KAZN: variants seen among roughly 807,000 people sequenced by gnomAD.
The protein encoded by KAZN is kazrin, periplakin interacting protein.
Under a neutral mutation model 87.4 loss-of-function variants are expected in KAZN, and 40 were observed. The ratio of observed to expected loss-of-function variants is 0.46; its 90% CI spans 0.36 to 0.60. KAZN has a LOEUF of 0.60. Ranked by LOEUF, KAZN falls within the 20% of genes least tolerant of loss-of-function variation. KAZN has a pLI of 0.00. For missense variants in KAZN, 898 were observed against 1,073.9 expected, an observed-to-expected ratio of 0.84 and a Z score of 2.29; for synonymous variants, 466 against 458.3, an observed-to-expected ratio of 1.02 and a Z score of -0.22.
intron 2 of KAZN, among the ~76,000 whole-genome samples, chr1:14,315,656 G>A (rs1655604161): frequency 6.6e-6 from 1 of 151,984 alleles, no homozygotes; most frequent in African/African-American, 2.4e-5. Context: ...GATGTAGTAT[G>A]TCCTCTTTTG....
intron 2 of KAZN, among the ~76,000 whole-genome samples, chr1:14,317,177 C>T (rs996148412): frequency 1.3e-5 from 2 of 151,878 alleles, no homozygotes; most frequent in Non-Finnish European, 2.9e-5. Context: ...GCTTTCAGTT[C>T]TGTCATTTTT....
At chr1:14,896,007 G>A (rs1180273115) in intron 1 of KAZN, among the ~76,000 whole-genome samples, 1 of 150,496 alleles carries the variant, frequency 6.6e-6, no homozygotes, top group African/African-American at 2.5e-5. Flanking sequence ...GATATTCCAG[G>A]ACAAAGGTCA....
intron 1 of KAZN, among the ~76,000 whole-genome samples, chr1:14,859,477 A>G (rs1650583380): frequency 6.6e-6 from 1 of 152,134 alleles, no homozygotes; most frequent in South Asian, 2.1e-4. Context: ...GATTGTGTAC[A>G]TTTTTGAAAA....
chr1:13,970,164 G>T (rs1009544059), intron 1 of KAZN, among the ~76,000 whole-genome samples: 3 of 152,170 alleles, frequency 2.0e-5, no homozygotes, highest in African/African-American at 7.2e-5. Context: ...TATATTCTTG[G>T]TTTTTAAGCA....
intron 2 of KAZN, among the ~76,000 whole-genome samples, chr1:14,328,752 A>G (rs1401267002): frequency 1.1e-4 from 11 of 98,012 alleles, no homozygotes; most frequent in Non-Finnish European, 1.8e-4. Flanking sequence ...CTAACTGAAA[A>G]AAAAAAAAAA....
chr1:14,218,321 G>A (rs529963631), intron 2 of KAZN, among the ~76,000 whole-genome samples: 28 of 152,222 alleles, frequency 1.8e-4, no homozygotes, highest in East Asian at 5.8e-4. Flanking sequence ...GTTCATACTC[G>A]TGTACTGAAA....
chr1:15,071,182 C>G (rs1163761347), intron 8 of KAZN, among the ~76,000 whole-genome samples: 1 of 151,990 alleles, frequency 6.6e-6, no homozygotes, highest in Admixed American at 6.6e-5. Context: ...CTAAAATGTC[C>G]CCCTGTGGGC....
chr1:14,172,928 G>T (rs781436228), intron 1 of KAZN, among the ~76,000 whole-genome samples: 2 of 152,172 alleles, frequency 1.3e-5, no homozygotes, highest in East Asian at 3.8e-4. Context: ...CAAGTATGGC[G>T]GTCTCAGGTG....
At chr1:14,750,754 G>C (rs1303868785) in intron 1 of KAZN, among the ~76,000 whole-genome samples, 1 of 152,152 alleles carries the variant, frequency 6.6e-6, no homozygotes, top group African/African-American at 2.4e-5. Flanking sequence ...GCTCACATTT[G>C]AGCCCTGTGC....
chr1:13,964,637 TC>T (rs1465283965), intron 1 of KAZN, among the ~76,000 whole-genome samples: 1 of 152,202 alleles, frequency 6.6e-6, no homozygotes, highest in Admixed American at 6.5e-5. Flanking sequence ...GAAGCAGGGT[TC>T]TGAGAGAGGC....
intron 1 of KAZN, among the ~76,000 whole-genome samples, chr1:13,917,310 A>G (rs1015641886): frequency 2.6e-5 from 4 of 152,208 alleles, no homozygotes; most frequent in Non-Finnish European, 4.4e-5. Flanking sequence ...TAGATTTTCA[A>G]TGGAGATGAA....
chr1:14,118,633 C>G (rs548937437), intron 1 of KAZN, among the ~76,000 whole-genome samples: 35 of 152,332 alleles, frequency 2.3e-4, no homozygotes, highest in Admixed American at 1.6e-3. Context: ...TTCTTTGAAA[C>G]AGAACATCAC....
chr1:14,479,913 T>G (rs980718344), intron 2 of KAZN, among the ~76,000 whole-genome samples: 1 of 152,188 alleles, frequency 6.6e-6, no homozygotes, highest in South Asian at 2.1e-4. Flanking sequence ...TCAAGATTGT[T>G]GAAGGACACA....
intron 1 of KAZN, among the ~76,000 whole-genome samples, chr1:14,660,618 A>G (rs917993313): frequency 7.8e-6 from 1 of 128,422 alleles, no homozygotes; most frequent in East Asian, 2.4e-4. Context: ...ATTCAAACCC[A>G]GGTCTGCCGA....
At chr1:14,221,349 A>G (rs1647093021) in intron 2 of KAZN, among the ~76,000 whole-genome samples, 1 of 152,148 alleles carries the variant, frequency 6.6e-6, no homozygotes, top group South Asian at 2.1e-4. Context: ...CTGCCCCTGG[A>G]GTCTTCTGTT....
chr1:15,114,353 G>T (rs1641764975), intron 14 of KAZN, 118 bp from the exon 15 acceptor site: 2 of 808,904 alleles, frequency 2.5e-6, no homozygotes, highest in East Asian at 2.7e-5. Flanking sequence ...GGAGCACACA[G>T]AGGTTAAGTA....
intron 2 of KAZN, among the ~76,000 whole-genome samples, chr1:14,383,256 T>G (rs1421038891): frequency 6.7e-6 from 1 of 149,906 alleles, no homozygotes; most frequent in African/African-American, 2.4e-5. Flanking sequence ...TTTCTCCCAT[T>G]TTGTAGGTTG....
chr1:14,916,415 T>A (rs1282853363), intron 1 of KAZN, among the ~76,000 whole-genome samples: 1 of 152,090 alleles, frequency 6.6e-6, no homozygotes, highest in Non-Finnish European at 1.5e-5. Flanking sequence ...TGACCTCAGG[T>A]GATCCACCTG....
At position 14,000,621 on chromosome 1, in the gene KAZN, T is replaced by C. The variant is rs572266076; in HGVS notation, c.91+106865T>C. ...ACTGAATGGGCAAAAGCTGGAAGCA[T>C]CCCCACTGAAAACCAACACAAGACC... On this transcript the variant is annotated intron_variant, in intron 1 of 16. Coordinates refer to the KAZN transcript ENST00000636203. Among the ~76,000 whole-genome samples the C allele has an allele frequency of 6.6e-5, 10 of 152,208 alleles. No homozygotes were observed. The East Asian group carries it at 1.9e-3, about 29-fold the overall frequency.
Sources: gnomAD v4.1 joint callset for allele counts (sites outside exome capture counted in the v4.1 genomes callset) on GRCh38, gnomAD v4.1.1 for gene constraint, MANE v1.5 for transcripts, NCBI Gene and HGNC (gene_info 2026-07-23, HGNC 2026-07-21) for gene names.